Variants in RUSF1 observed in about 807,000 individuals in gnomAD.
RUSF1 encodes RUS family member 1.
Under a neutral mutation model 63.0 loss-of-function variants are expected in RUSF1, and 58 were observed. The observed-to-expected ratio is 0.92, with a 90% CI of 0.75 to 1.15. The LOEUF (loss-of-function observed/expected upper bound fraction) is 1.15. RUSF1 is among the 50% of genes most tolerant of loss of function. RUSF1 has a pLI of 0.00. For synonymous variants in RUSF1, 274 were observed against 255.8 expected (o/e 1.07, Z -0.68); for missense variants, 652 against 611.0 (o/e 1.07, Z -0.71).
chr16:31,495,612 T>C (rs2082598186), intron 6 of RUSF1, among the ~76,000 whole-genome samples: 1 of 151,946 alleles, frequency 6.6e-6, no homozygotes, highest in African/African-American at 2.4e-5. Flanking sequence ...ACACCAGGCA[T>C]GGAGCTGGGA....
intron 10 of RUSF1, among the ~76,000 whole-genome samples, chr16:31,492,601 C>G (rs2082577902): frequency 6.6e-6 from 1 of 152,170 alleles, no homozygotes; most frequent in Non-Finnish European, 1.5e-5. Flanking sequence ...GAATAAGCAC[C>G]TTTTCACACT....
rs1163304744 is a variant in RUSF1 at position 31,494,521 on chromosome 16, G to GA, written c.703-586dup. Among the ~76,000 whole-genome samples, 153 of 136,946 alleles carry GA rather than the reference G, an allele frequency of 1.1e-3. No individual in the cohort carries two copies. The East Asian group carries it at 0.011, about 10-fold the overall frequency. 89.8% of individuals were successfully genotyped at this position (136,946 alleles called of 152,430 possible). Reference sequence around the variant, plus strand: ...ACAGAGCAAGACTGTCTCCAAAAAAGAAAAAAAAAAAAATTAAGCCATGAT... The same window carrying GA: ...ACAGAGCAAGACTGTCTCCAAAAAAGAAAAAAAAAAAAAATTAAGCCATGAT... On this transcript the variant is annotated intron_variant, in intron 6 of 12. Coordinates refer to ENST00000327237, the MANE Select transcript of RUSF1 (RefSeq NM_022744.4).
At position 31,489,932 on chromosome 16, in the gene RUSF1, G is replaced by T; in HGVS notation, c.*903C>A. On this transcript the variant is annotated 3_prime_UTR_variant, in exon 13 of 13. Transcript: ENST00000327237. ...CTCAGGGGCTTGGGGTTTATCCCGA[G>T]GGCACAGGGCAGCCATGTAGGGTGG... 1 of 828,194 alleles carries T rather than the reference G, an allele frequency of 1.2e-6. No homozygotes were observed. The allele number at this position is 828,194 out of a possible 1,614,324, so 51.3% of individuals were successfully genotyped here. A position where few individuals can be genotyped will look rare whatever the true frequency, so the allele number is the denominator to read the frequency against.
rs58238396 is a variant in RUSF1 at position 31,499,475 on chromosome 16, G to A, written c.494+18C>T. On this transcript the variant is annotated intron_variant, in intron 4 of 12. Transcript: ENST00000327237. ...TCATAATGGAAGACTCCCCTCCCCC[G>A]TCCCCGCCCCTCCTCACCTCCACTG... 1.4e-4 allele frequency: 113 copies of A among 795,912 alleles called. No individual in the cohort carries two copies. The highest frequency in any genetic ancestry group is 2.7e-4 in the East Asian group (6 of 21,928). 49.3% of individuals were successfully genotyped at this position (795,912 alleles called of 1,614,324 possible). A position where few individuals can be genotyped will look rare whatever the true frequency, so the allele number is the denominator to read the frequency against.
chr16:31,506,780 C>CAG (rs2082661245), intron 2 of RUSF1, among the ~76,000 whole-genome samples: 1 of 151,706 alleles, frequency 6.6e-6, no homozygotes, highest in African/African-American at 2.4e-5. Flanking sequence ...GACAGTGAGA[C>CAG]TACGAGTCTG....
chr16:31,506,934 G>C (rs148848458), intron 2 of RUSF1, among the ~76,000 whole-genome samples: 1 of 152,292 alleles, frequency 6.6e-6, no homozygotes, highest in East Asian at 1.9e-4. Flanking sequence ...GGAAGCTCCT[G>C]TTTTCTCAAA....
rs200220234 is a variant in RUSF1, at chr16:31,496,864, G to A, written c.687C>T (p.Ala229=). 6.3e-7 allele frequency: 1 copy of A among 1,599,036 alleles called. No individual in the cohort carries two copies. Among genetic ancestry groups the A allele is most frequent in the African/African-American group, 1.3e-5 (1 of 74,760 alleles). ...ARRNNMADVS[A]KDSSQETLVN... The stretch of plus-strand genomic sequence containing the variant: ...TGGCACTCACCTGGCTGCTGTCCTT[G>A]GCTGACACGTCAGCCATGTTGTTCC... Residue 229 remains alanine (A), a synonymous_variant, in exon 6 of 13, where the codon GCC becomes GCT. Transcript: ENST00000327237.
intron 10 of RUSF1, 137 bp from the exon 11 acceptor site, chr16:31,492,477 C>T (rs1321613242): frequency 2.0e-6 from 2 of 994,200 alleles, no homozygotes; most frequent in Non-Finnish European, 2.7e-6. Context: ...CTTTCCTTTC[C>T]AATTCATCTC....
chr16:31,504,526 C>T (rs1468299841), intron 2 of RUSF1, among the ~76,000 whole-genome samples: 21 of 152,020 alleles, frequency 1.4e-4, no homozygotes, highest in Admixed American at 1.4e-3. Context: ...ACCTTGGCCC[C>T]CCATCCCAAA....
At chr16:31,497,116 A>G (rs749746839) in intron 5 of RUSF1, among the ~76,000 whole-genome samples, 166 bp from the exon 6 acceptor site, 4 of 152,126 alleles carry the variant, frequency 2.6e-5, no homozygotes, top group Admixed American at 6.5e-5. Flanking sequence ...GTCCTGTTCT[A>G]GGAAACTGGA....
intron 6 of RUSF1, 55 bp downstream of exon 6, chr16:31,496,794 C>G: frequency 8.5e-5 from 118 of 1,392,868 alleles, no homozygotes; most frequent in Non-Finnish European, 1.0e-4. Context: ...ACTCAAGTGG[C>G]TTCTCTCCCC....
chr16:31,489,598 AAC>A lies in RUSF1; in HGVS notation c.*1235_*1236del. 1 of 579,308 alleles carries A rather than the reference AAC, an allele frequency of 1.7e-6. No homozygotes were observed. Among genetic ancestry groups the A allele is most frequent in the Non-Finnish European group, 3.1e-6 (1 of 323,528 alleles). 35.9% of individuals were successfully genotyped at this position (579,308 alleles called of 1,614,324 possible). A position where few individuals can be genotyped will look rare whatever the true frequency, so the allele number is the denominator to read the frequency against. ...CCTTGGCATGGCCTTTGGGACTCAA[AAC>A]ACAGGATCTGACTGGTGGGCACAAT... is the stretch of plus-strand genomic sequence containing the variant. On this transcript the variant is annotated 3_prime_UTR_variant, in exon 13 of 13. Transcript: ENST00000327237.
chr16:31,490,701 C>T lies in RUSF1; in HGVS notation c.*134G>A. On this transcript the variant is annotated 3_prime_UTR_variant, in exon 13 of 13. Transcript: ENST00000327237. ...GCCCACTGCATCTGATTGGCAGTCA[C>T]TTCCCATGAGGGCCTGGCCCACCCG... The T allele has an allele frequency of 8.6e-7, 1 of 1,168,164 alleles. No homozygotes were observed. Among genetic ancestry groups the T allele is most frequent in the East Asian group, 2.4e-5 (1 of 41,568 alleles). 72.4% of individuals were successfully genotyped at this position (1,168,164 alleles called of 1,614,324 possible). A position where few individuals can be genotyped will look rare whatever the true frequency, so the allele number is the denominator to read the frequency against.
At chr16:31,499,259 AG>A in intron 5 of RUSF1, 42 bp downstream of exon 5, 2 of 1,524,698 alleles carry the variant, frequency 1.3e-6, no homozygotes, top group Non-Finnish European at 1.8e-6. Flanking sequence ...CACACTACCA[AG>A]GCAGGTGTTT....
Position 31,508,053 on chromosome 16 carries a change from GC to G in RUSF1, c.300+20del. 1.3e-6 allele frequency: 2 copies of G among 1,590,710 alleles called. No individual in the cohort carries two copies. The highest frequency in any genetic ancestry group is 1.7e-4 in the Middle Eastern group (1 of 5,954). On this transcript the variant is annotated intron_variant, in intron 1 of 12. Coordinates refer to ENST00000327237, the MANE Select transcript of RUSF1 (RefSeq NM_022744.4). Reference sequence around the variant, plus strand: ...GGAGGAGTGGCCTGCACTGTCCTCTGCCCCAGACGACCGAGCTGACCTGCAC... The same window carrying G: ...GGAGGAGTGGCCTGCACTGTCCTCTGCCCAGACGACCGAGCTGACCTGCAC...
At position 31,490,098 on chromosome 16, in the gene RUSF1, C is replaced by G; in HGVS notation, c.*737G>C. 6.2e-7 allele frequency: 1 copy of G among 1,613,498 alleles called. No individual in the cohort carries two copies. Among genetic ancestry groups the G allele is most frequent in the Non-Finnish European group, 8.5e-7 (1 of 1,179,982 alleles). On this transcript the variant is annotated 3_prime_UTR_variant, in exon 13 of 13. Coordinates refer to ENST00000327237, the MANE Select transcript of RUSF1 (RefSeq NM_022744.4). ...CCCACCTCGTTCGTGCTCCCACCCT[C>G]CCCAGCTCCACCGCCTGGTCTTCAG...
intron 2 of RUSF1, among the ~76,000 whole-genome samples, chr16:31,503,472 C>G (rs1488605084): frequency 6.6e-6 from 1 of 152,052 alleles, no homozygotes; most frequent in Non-Finnish European, 1.5e-5. Flanking sequence ...ATATTAGCAA[C>G]AAGTTTTATT....
intron 9 of RUSF1, 55 bp from the exon 10 acceptor site, chr16:31,493,103 C>T (rs1411852681): frequency 2.6e-6 from 4 of 1,558,024 alleles, no homozygotes; most frequent in Admixed American, 3.5e-5. Flanking sequence ...GCAGGCATGC[C>T]CAACCAGCCA....
Position 31,493,479 on chromosome 16 carries a change from C to G in RUSF1, c.1004G>C (p.Arg335Pro). 1 of 1,607,264 alleles carries G rather than the reference C, an allele frequency of 6.2e-7. No homozygotes were observed. Among genetic ancestry groups the G allele is most frequent in the Non-Finnish European group, 8.5e-7 (1 of 1,176,882 alleles). The stretch of plus-strand genomic sequence containing the variant: ...CTAGGCCACTCACCTGGAGACCAAG[C>G]GGTGTAAGGGGACCCCCAGGGATAG... Reference protein sequence around the residue: ...PSLSLGVPLHRLVSSVFELQQ... With the variant: ...PSLSLGVPLHPLVSSVFELQQ... Residue 335 changes from arginine (R) to proline (P), a missense_variant, in exon 9 of 13, where the codon CGC becomes CCC. By Grantham distance (103) the Arg-to-Pro change is moderately radical. Transcript: ENST00000327237.
Sources: gnomAD v4.1 joint callset for allele counts (sites outside exome capture counted in the v4.1 genomes callset) on GRCh38, gnomAD v4.1.1 for gene constraint, MANE v1.5 for transcripts, NCBI Gene and HGNC (gene_info 2026-07-23, HGNC 2026-07-21) for gene names.